TLE4: variants seen among roughly 807,000 people sequenced by gnomAD.
TLE4 encodes transducin-like enhancer protein 4.
A neutral mutation model predicts 92.8 loss-of-function variants in TLE4; 8 were observed. That is an observed-to-expected ratio of 0.09 (90% CI 0.05 to 0.16). The LOEUF (loss-of-function observed/expected upper bound fraction) is 0.16. TLE4 is among the 10% of genes least tolerant of loss of function. The probability of loss-of-function intolerance (pLI) is 1.00; values close to 1 mark genes in which losing one functional copy is unlikely to be tolerated. For missense variants in TLE4, 675 were observed against 997.6 expected, an observed-to-expected ratio of 0.68 and a Z score of 4.36; for synonymous variants, 371 against 374.1, an observed-to-expected ratio of 0.99 and a Z score of 0.10.
chr9:79,677,043 A>C (rs2063390714), intron 8 of TLE4, among the ~76,000 whole-genome samples: 1 of 152,150 alleles, frequency 6.6e-6, no homozygotes, highest in African/African-American at 2.4e-5. Flanking sequence ...AGAAGGATAG[A>C]TCTGGGCTCA....
intron 8 of TLE4, among the ~76,000 whole-genome samples, chr9:79,666,044 T>G (rs1050392702): frequency 6.6e-6 from 1 of 152,148 alleles, no homozygotes; most frequent in Non-Finnish European, 1.5e-5. Context: ...ACTAAAAATC[T>G]GTAGACACTG....
rs1436113606 is a variant in TLE4 at position 79,726,296 on chromosome 9, T to C, written c.*1152T>C. The C allele has an allele frequency of 6.6e-6, 1 of 152,646 alleles. No homozygotes were observed. Among genetic ancestry groups the C allele is most frequent in the Non-Finnish European group, 1.5e-5 (1 of 68,044 alleles). 9.5% of individuals were successfully genotyped at this position (152,646 alleles called of 1,614,324 possible). A position where few individuals can be genotyped will look rare whatever the true frequency, so the allele number is the denominator to read the frequency against. On this transcript the variant is annotated 3_prime_UTR_variant, in exon 20 of 20. Transcript: ENST00000376552. ...AACATTGTGTTATCTTTTATGTTGT[T>C]GTTGTTGCTGTTAAACTATAATATG...
intron 4 of TLE4, among the ~76,000 whole-genome samples, chr9:79,589,775 C>T (rs1268753886): frequency 2.0e-5 from 3 of 152,092 alleles, no homozygotes; most frequent in Admixed American, 1.3e-4. Context: ...TATGATAGAC[C>T]GGGCTGCCTG....
At chr9:79,674,581 A>T (rs1315841153) in intron 8 of TLE4, among the ~76,000 whole-genome samples, 2 of 152,204 alleles carry the variant, frequency 1.3e-5, no homozygotes, top group African/African-American at 4.8e-5. Flanking sequence ...TCAGATCAGC[A>T]AAAATCCAAA....
At chr9:79,650,549 G>A (rs1195804619) in intron 6 of TLE4, among the ~76,000 whole-genome samples, 1 of 152,106 alleles carries the variant, frequency 6.6e-6, no homozygotes, top group East Asian at 1.9e-4. Context: ...CTTCATAGAC[G>A]TTATTTTCTG....
chr9:79,663,793 G>T (rs1468724702), intron 8 of TLE4, among the ~76,000 whole-genome samples: 1 of 152,068 alleles, frequency 6.6e-6, no homozygotes, highest in East Asian at 1.9e-4. Context: ...TGGCAGTTTT[G>T]GGGGGAAGGG....
At chr9:79,652,916 A>G in intron 7 of TLE4, 122 bp downstream of exon 7, 2 of 1,081,542 alleles carry the variant, frequency 1.8e-6, no homozygotes, top group Non-Finnish European at 2.8e-6. Flanking sequence ...AAGGATTTCC[A>G]CTGGAAGGTA....
intron 8 of TLE4, among the ~76,000 whole-genome samples, chr9:79,680,116 A>C (rs563653810): frequency 1.3e-5 from 2 of 152,120 alleles, no homozygotes; most frequent in African/African-American, 4.8e-5. Flanking sequence ...TTTTGGTTCC[A>C]TATGAACTTT....
intron 6 of TLE4, among the ~76,000 whole-genome samples, chr9:79,634,317 A>G: frequency 6.6e-6 from 1 of 152,216 alleles, no homozygotes; most frequent in East Asian, 1.9e-4. Context: ...AACGCATTTT[A>G]ATTTCAATAA....
chr9:79,592,216 C>T (rs2378422), intron 4 of TLE4, among the ~76,000 whole-genome samples: 32,705 of 96,750 alleles, frequency 0.34, 4,589 homozygotes, highest in African/African-American at 0.47. Flanking sequence ...CTTCTTCTTC[C>T]TCTTCTTCTT....
At chr9:79,666,527 T>C (rs1320300042) in intron 8 of TLE4, among the ~76,000 whole-genome samples, 1 of 152,180 alleles carries the variant, frequency 6.6e-6, no homozygotes, top group Non-Finnish European at 1.5e-5. Flanking sequence ...GCGTGAGCCA[T>C]CACGCCCCAC....
chr9:79,599,198 T>C (rs185478597), intron 4 of TLE4, among the ~76,000 whole-genome samples: 79 of 152,320 alleles, frequency 5.2e-4, no homozygotes, highest in Admixed American at 1.6e-3. Flanking sequence ...TACTGCCTTC[T>C]AAATAAAGTT....
chr9:79,628,473 A>G (rs1218390788), intron 6 of TLE4, among the ~76,000 whole-genome samples: 1 of 152,134 alleles, frequency 6.6e-6, no homozygotes, highest in African/African-American at 2.4e-5. Context: ...GTCTTTTAAC[A>G]AGGAAATCAG....
intron 4 of TLE4, among the ~76,000 whole-genome samples, chr9:79,605,178 G>C (rs1203994601): frequency 6.6e-6 from 1 of 152,114 alleles, no homozygotes; most frequent in Non-Finnish European, 1.5e-5. Flanking sequence ...GTTCCACCTT[G>C]TTCTGTGCAG....
In TLE4 at chr9:79,691,909, T is replaced by C. The variant is rs187757246; in HGVS notation, c.610-12874T>C. Among the ~76,000 whole-genome samples, 250 of 152,338 alleles carry C rather than the reference T, an allele frequency of 1.6e-3. 4 individuals carry two copies. The highest frequency in any genetic ancestry group is 4.9e-4 in the Non-Finnish European group (33 of 68,030). On this transcript the variant is annotated intron_variant, in intron 8 of 19. Transcript: ENST00000376552. ...GCAGCTTGTTTTACTTGATTTTTAA[T>C]GTCCCTTAACTAGAACCAGTGCTCT...
chr9:79,673,735 A>C (rs551357548), intron 8 of TLE4, among the ~76,000 whole-genome samples: 1 of 152,296 alleles, frequency 6.6e-6, no homozygotes, highest in South Asian at 2.1e-4. Flanking sequence ...GTAGTAGCAT[A>C]ATTTACATGT....
At chr9:79,681,322 A>G (rs1158964285) in intron 8 of TLE4, among the ~76,000 whole-genome samples, 1 of 150,696 alleles carries the variant, frequency 6.6e-6, no homozygotes, top group Non-Finnish European at 1.5e-5. Flanking sequence ...CAGCCAACTC[A>G]GTAACGTTAT....
At chr9:79,643,168 G>A (rs2057493996) in intron 6 of TLE4, among the ~76,000 whole-genome samples, 1 of 152,154 alleles carries the variant, frequency 6.6e-6, no homozygotes, top group East Asian at 1.9e-4. Flanking sequence ...AGCAAACACT[G>A]TATACTCGTC....
intron 6 of TLE4, among the ~76,000 whole-genome samples, chr9:79,648,329 C>T (rs1341237309): frequency 2.0e-5 from 3 of 152,118 alleles, no homozygotes; most frequent in African/African-American, 7.2e-5. Flanking sequence ...GTCTCACAGT[C>T]TCTGGCAAGT....
Sources: allele counts gnomAD v4.1 joint callset (sites outside exome capture counted in the v4.1 genomes callset), GRCh38; gene constraint gnomAD v4.1.1; transcripts MANE v1.5; gene names NCBI Gene and HGNC (gene_info 2026-07-23, HGNC 2026-07-21).